ENTREP2: variants seen among roughly 807,000 people sequenced by gnomAD.
ENTREP2 encodes endosomal transmembrane epsin interactor 2, also known as protein ENTREP2.
the ENTREP2 span, among the ~76,000 whole-genome samples, chr15:29,551,670 T>G: frequency 6.7e-6 from 1 of 148,838 alleles, no homozygotes; most frequent in African/African-American, 2.5e-5. Flanking sequence ...TAACAATATA[T>G]GCTGAATTAT....
At chr15:29,531,515 C>T in the ENTREP2 span, among the ~76,000 whole-genome samples, 1,147 of 152,244 alleles carry the variant, frequency 7.5e-3, 9 homozygotes, top group South Asian at 0.027. Context: ...GAGGGCCAAC[C>T]ATGGGGACGG....
At chr15:29,136,441 A>G in the ENTREP2 span, 3 of 1,547,392 alleles carry the variant, frequency 1.9e-6, no homozygotes, top group Non-Finnish European at 2.6e-6. Flanking sequence ...GGCCGGGGCT[A>G]TTGATGGCCA....
chr15:29,243,970 G>A, the ENTREP2 span, among the ~76,000 whole-genome samples: 1,300 of 152,282 alleles, frequency 8.5e-3, 17 homozygotes, highest in African/African-American at 0.029. Context: ...ATTCTAAGAT[G>A]AAACTGGACA....
At chr15:29,240,655 A>G in the ENTREP2 span, among the ~76,000 whole-genome samples, 1 of 152,118 alleles carries the variant, frequency 6.6e-6, no homozygotes. Context: ...GAAATAAATT[A>G]CCCAGTCTGT....
At chr15:29,207,276 G>C in the ENTREP2 span, among the ~76,000 whole-genome samples, 1 of 152,150 alleles carries the variant, frequency 6.6e-6, no homozygotes, top group African/African-American at 2.4e-5. Flanking sequence ...ATTGGTTCCC[G>C]CCCGTGGCTT....
the ENTREP2 span, among the ~76,000 whole-genome samples, chr15:29,561,990 C>T: frequency 2.0e-5 from 3 of 152,184 alleles, no homozygotes; most frequent in African/African-American, 2.4e-5. Context: ...CTGACATCAA[C>T]GCCTCCTGAT....
chr15:29,674,496 C>T, the ENTREP2 span, among the ~76,000 whole-genome samples: 16 of 152,116 alleles, frequency 1.1e-4, no homozygotes, highest in East Asian at 3.9e-4. Flanking sequence ...TCTCGAACCC[C>T]TGACCTCGTG....
chr15:29,272,293 A>G, the ENTREP2 span, among the ~76,000 whole-genome samples: 1 of 152,204 alleles, frequency 6.6e-6, no homozygotes, highest in Non-Finnish European at 1.5e-5. Flanking sequence ...CTGTGGTGAT[A>G]ACAATACTAA....
At chr15:29,278,455 T>G in the ENTREP2 span, among the ~76,000 whole-genome samples, 1 of 152,180 alleles carries the variant, frequency 6.6e-6, no homozygotes, top group African/African-American at 2.4e-5. Flanking sequence ...GCTGTTGTTC[T>G]TTGGGAGAGG....
At chr15:29,656,181 A>C in the ENTREP2 span, among the ~76,000 whole-genome samples, 1 of 152,078 alleles carries the variant, frequency 6.6e-6, no homozygotes, top group African/African-American at 2.4e-5. Context: ...AATTGAGAGA[A>C]TGCATTACCA....
the ENTREP2 span, among the ~76,000 whole-genome samples, chr15:29,201,950 A>G: frequency 2.0e-5 from 3 of 152,216 alleles, no homozygotes; most frequent in African/African-American, 7.2e-5. Context: ...AATTTCCTTA[A>G]TAATTATAGG....
chr15:29,392,475 G>GC, the ENTREP2 span, among the ~76,000 whole-genome samples: 1 of 151,286 alleles, frequency 6.6e-6, no homozygotes, highest in Non-Finnish European at 1.5e-5. Flanking sequence ...TAGTTACGCT[G>GC]GAAACACCCT....
the ENTREP2 span, among the ~76,000 whole-genome samples, chr15:29,308,752 A>G: frequency 3.3e-5 from 5 of 152,220 alleles, no homozygotes; most frequent in African/African-American, 1.2e-4. Context: ...GAGCTCTGGC[A>G]TACTGTTTTC....
At chr15:29,335,422 A>T in the ENTREP2 span, among the ~76,000 whole-genome samples, 1 of 152,120 alleles carries the variant, frequency 6.6e-6, no homozygotes, top group Non-Finnish European at 1.5e-5. Flanking sequence ...CCAAGTTCAT[A>T]CTCTTTAACA....
At chr15:29,550,873 C>T in the ENTREP2 span, among the ~76,000 whole-genome samples, 17 of 152,280 alleles carry the variant, frequency 1.1e-4, no homozygotes, top group African/African-American at 4.1e-4. Context: ...CTTTCCTGAG[C>T]TCTTCCTTTA....
the ENTREP2 span, among the ~76,000 whole-genome samples, chr15:29,420,673 T>C: frequency 6.6e-6 from 1 of 152,152 alleles, no homozygotes; most frequent in East Asian, 1.9e-4. Context: ...GGCCAATATA[T>C]AGTGGCCACC....
the ENTREP2 span, among the ~76,000 whole-genome samples, chr15:29,262,552 T>C: frequency 2.6e-5 from 4 of 152,224 alleles, 1 homozygote; most frequent in Middle Eastern, 3.2e-3. Flanking sequence ...CTGCTCAACA[T>C]GCGGTGGTTC....
the ENTREP2 span, among the ~76,000 whole-genome samples, chr15:29,490,569 T>C: frequency 6.6e-6 from 1 of 152,210 alleles, no homozygotes; most frequent in African/African-American, 2.4e-5. Context: ...GACAGGGTGC[T>C]GATTGGTGCG....
At chr15:29,208,691 C>T in the ENTREP2 span, among the ~76,000 whole-genome samples, 23 of 152,284 alleles carry the variant, frequency 1.5e-4, no homozygotes, top group African/African-American at 5.5e-4. Context: ...TAGGTATACC[C>T]TACATCCTAT....
Sources: gnomAD v4.1 joint callset for allele counts (sites outside exome capture counted in the v4.1 genomes callset) on GRCh38, gnomAD v4.1.1 for gene constraint, MANE v1.5 for transcripts, NCBI Gene and HGNC (gene_info 2026-07-23, HGNC 2026-07-21) for gene names.